Variants in XKR4 observed in about 807,000 individuals in gnomAD.
The protein encoded by XKR4 is XK related 4.
A neutral mutation model predicts 53.9 loss-of-function variants in XKR4; 12 were observed. That is an observed-to-expected ratio of 0.22 (90% CI 0.14 to 0.36). The LOEUF is 0.36. Among genes scored for constraint, XKR4 ranks in the 10% least tolerant of loss-of-function variants. The pLI is 1.00. For synonymous variants in XKR4, 354 were observed against 362.4 expected, an observed-to-expected ratio of 0.98 and a Z score of 0.26; for missense variants, 799 against 859.5, an observed-to-expected ratio of 0.93 and a Z score of 0.88.
intron 2 of XKR4, among the ~76,000 whole-genome samples, chr8:55,394,421 A>T (rs960451116): frequency 6.6e-6 from 1 of 152,252 alleles, no homozygotes; most frequent in Non-Finnish European, 1.5e-5. Flanking sequence ...CATAGAGCTA[A>T]AAAAGTTATC....
At chr8:55,289,221 T>C (rs1818947717) in intron 1 of XKR4, among the ~76,000 whole-genome samples, 1 of 152,066 alleles carries the variant, frequency 6.6e-6, no homozygotes, top group East Asian at 1.9e-4. Flanking sequence ...TTTAGTTTTA[T>C]AGGAAATTGC....
At chr8:55,324,425 A>G (rs1369715743) in intron 1 of XKR4, among the ~76,000 whole-genome samples, 1 of 152,056 alleles carries the variant, frequency 6.6e-6, no homozygotes, top group Non-Finnish European at 1.5e-5. Context: ...AAGTGGCCAC[A>G]TTTTCCTGGT....
chr8:55,257,161 A>G (rs1484332507), intron 1 of XKR4, among the ~76,000 whole-genome samples: 1 of 152,192 alleles, frequency 6.6e-6, no homozygotes, highest in Non-Finnish European at 1.5e-5. Flanking sequence ...CAGCTTCATA[A>G]TGTAAGGAGG....
intron 2 of XKR4, among the ~76,000 whole-genome samples, chr8:55,506,007 A>C (rs16921938): frequency 0.059 from 8,912 of 152,328 alleles, 669 homozygotes; most frequent in East Asian, 0.28. Flanking sequence ...CAGGTTCTGC[A>C]CTGCTCAACA....
chr8:55,422,911 T>C (rs142633640), intron 2 of XKR4, among the ~76,000 whole-genome samples: 3,322 of 152,286 alleles, frequency 0.022, 43 homozygotes, highest in Middle Eastern at 0.034. Flanking sequence ...GGATTGCCTG[T>C]CTCTGTGACA....
chr8:55,466,100 C>T (rs1805764175), intron 2 of XKR4, among the ~76,000 whole-genome samples: 1 of 152,040 alleles, frequency 6.6e-6, no homozygotes, highest in African/African-American at 2.4e-5. Context: ...GGATCTAGAA[C>T]TAGAAATACC....
chr8:55,495,995 A>T (rs141409409), intron 2 of XKR4, among the ~76,000 whole-genome samples: 76 of 152,376 alleles, frequency 5.0e-4, no homozygotes, highest in African/African-American at 1.8e-3. Context: ...AGGTCAAATT[A>T]ACTTGAGACT....
At chr8:55,408,031 C>T (rs143977822) in intron 2 of XKR4, among the ~76,000 whole-genome samples, 15 of 152,194 alleles carry the variant, frequency 9.9e-5, no homozygotes, top group Non-Finnish European at 2.2e-4. Flanking sequence ...CTTTTCTTGT[C>T]AGTGAGTGAA....
chr8:55,457,159 T>TTTTTTTTTTG (rs1457324017), intron 2 of XKR4, among the ~76,000 whole-genome samples: 49 of 150,916 alleles, frequency 3.2e-4, no homozygotes, highest in South Asian at 8.4e-4. Context: ...TTTTTTTTTT[T>TTTTTTTTTTG]TGAGACTGAG....
chr8:55,246,884 A>T (rs1193314217), intron 1 of XKR4, among the ~76,000 whole-genome samples: 1 of 151,496 alleles, frequency 6.6e-6, no homozygotes, highest in African/African-American at 2.4e-5. Context: ...AGAGTCGTGG[A>T]GATCCCTCTT....
chr8:55,451,230 G>T (rs1011072917), intron 2 of XKR4: 11 of 567,918 alleles, frequency 1.9e-5, no homozygotes, highest in Non-Finnish European at 3.4e-5. Context: ...GCCCACATTG[G>T]CACCAAGCCC....
chr8:55,464,859 C>A (rs1250047329), intron 2 of XKR4, among the ~76,000 whole-genome samples: 4 of 152,060 alleles, frequency 2.6e-5, no homozygotes, highest in South Asian at 2.1e-4. Context: ...AACAGAGAGC[C>A]AAATCATGAG....
At chr8:55,344,452 T>G (rs1803605470) in intron 1 of XKR4, among the ~76,000 whole-genome samples, 2 of 149,472 alleles carry the variant, frequency 1.3e-5, no homozygotes, top group African/African-American at 4.9e-5. Flanking sequence ...CCTGTCTGTT[T>G]TTTTTTTTTT....
chr8:55,303,249 T>G (rs7386478), intron 1 of XKR4, among the ~76,000 whole-genome samples: 57,390 of 152,078 alleles, frequency 0.38, 13,173 homozygotes, highest in African/African-American at 0.66. Context: ...CATCTATTGA[T>G]ATAATCCTGT....
chr8:55,450,199 C>A, intron 2 of XKR4: 2 of 658,328 alleles, frequency 3.0e-6, no homozygotes, highest in Non-Finnish European at 2.8e-6. Context: ...GTAGCAGGGC[C>A]ACACCACACA....
At chr8:55,493,333 T>C (rs372459589) in intron 2 of XKR4, among the ~76,000 whole-genome samples, 2 of 152,238 alleles carry the variant, frequency 1.3e-5, no homozygotes, top group Admixed American at 6.5e-5. Context: ...TGGGTTTTGC[T>C]AGCTATTTCC....
intron 1 of XKR4, among the ~76,000 whole-genome samples, chr8:55,169,426 T>C (rs913892910): frequency 1.3e-5 from 2 of 152,238 alleles, no homozygotes; most frequent in Non-Finnish European, 2.9e-5. Flanking sequence ...AAACCCAATA[T>C]GAAAGTCATC....
At chr8:55,370,183 T>C (rs2129385991) in intron 2 of XKR4, among the ~76,000 whole-genome samples, 1 of 152,356 alleles carries the variant, frequency 6.6e-6, no homozygotes, top group African/African-American at 2.4e-5. Flanking sequence ...TTCAAAGTTT[T>C]TTATTATATA....
In XKR4 at chr8:55,523,930, C is replaced by T; in HGVS notation, c.1656C>T (p.Asn552=). Residue 552 remains asparagine (N), a synonymous_variant, in exon 3 of 3, where the codon AAC becomes AAT. Transcript: ENST00000327381. ...ATSTLRSISN[N]RSVVSDRDQK... ...GCACCCTACGGTCCATCTCCAACAA[C>T]CGCAGTGTTGTCAGCGACCGCGATC... 2 of 1,614,226 alleles carry T rather than the reference C, an allele frequency of 1.2e-6. No individual in the cohort carries two copies. Among genetic ancestry groups the T allele is most frequent in the Non-Finnish European group, 1.7e-6 (2 of 1,180,040 alleles).
Sources: allele counts gnomAD v4.1 joint callset (sites outside exome capture counted in the v4.1 genomes callset), GRCh38; gene constraint gnomAD v4.1.1; transcripts MANE v1.5; gene names NCBI Gene and HGNC (gene_info 2026-07-23, HGNC 2026-07-21).